HID1: variants seen among roughly 807,000 people sequenced by gnomAD.
HID1 encodes protein HID1.
Under a neutral mutation model 89.7 loss-of-function variants are expected in HID1, and 42 were observed. The observed-to-expected ratio is 0.47, with a 90% CI of 0.37 to 0.61. The LOEUF (loss-of-function observed/expected upper bound fraction) is 0.61, where lower values mean the gene tolerates loss of function less well. Ranked by LOEUF, HID1 falls within the 20% of genes least tolerant of loss-of-function variation. The pLI is 0.00. For missense variants in HID1, 854 were observed against 1,039.3 expected (o/e 0.82, Z 2.45); for synonymous variants, 442 against 433.8 (o/e 1.02, Z -0.24).
At position 74,962,181 on chromosome 17, in the gene HID1, G is replaced by A. The variant is rs1038055277; in HGVS notation, c.611+53C>T. 4.1e-6 allele frequency: 6 copies of A among 1,458,876 alleles called. No individual in the cohort carries two copies. The highest frequency in any genetic ancestry group is 1.8e-5 in the Admixed American group (1 of 56,332). 90.4% of individuals were successfully genotyped at this position (1,458,876 alleles called of 1,614,324 possible). A position where few individuals can be genotyped will look rare whatever the true frequency, so the allele number is the denominator to read the frequency against. ...CATGGGCTTTCTGAGCTGTGCGGGG[G>A]CCCGGCCCGGGGTCCAGCTGCATTG... On this transcript the variant is annotated intron_variant, in intron 5 of 18. Transcript: ENST00000425042. The surrounding 1 kb of genome is among the most constrained non-coding windows in gnomAD (Gnocchi z 4.3).
In HID1 at chr17:74,959,145, C is replaced by G; in HGVS notation, c.1009-94G>C. ...CCCCCAACAAATCCCCCCCTCCATC[C>G]CCCAGAGCCAGATCCCACCTCCAGA... is the stretch of plus-strand genomic sequence containing the variant. On this transcript the variant is annotated intron_variant, in intron 8 of 18. Coordinates refer to ENST00000425042, the MANE Select transcript of HID1 (RefSeq NM_030630.3). This position sits in a 1 kb window ranked among gnomAD's most constrained non-coding sequence, Gnocchi z 4.6. 7.2e-7 allele frequency: 1 copy of G among 1,383,454 alleles called. No homozygotes were observed. Among genetic ancestry groups the G allele is most frequent in the Non-Finnish European group, 9.5e-7 (1 of 1,048,260 alleles). The allele number at this position is 1,383,454 out of a possible 1,614,324, so 85.7% of individuals were successfully genotyped here. A position where few individuals can be genotyped will look rare whatever the true frequency, so the allele number is the denominator to read the frequency against.
intron 1 of HID1, among the ~76,000 whole-genome samples, chr17:74,969,401 C>T (rs370496780): frequency 2.2e-4 from 34 of 151,924 alleles, no homozygotes; most frequent in Admixed American, 2.0e-3. Flanking sequence ...TTAGCCGGGA[C>T]GGTCTCGATC....
chr17:74,954,462 GGA>G (rs1193869280), intron 13 of HID1, 97 bp from the exon 14 acceptor site: 27 of 1,535,784 alleles, frequency 1.8e-5, no homozygotes. Context: ...TTGGAGGACA[GGA>G]GGGTGTCTGC....
At position 74,958,570 on chromosome 17, in the gene HID1, G is replaced by A. The variant is rs889608113; in HGVS notation, c.1241-92C>T. ...ATTTTGGAGGCCTCCCTCCTAGGAG[G>A]TCAGAGTGCCAGGCCTGAGCTCCTG... is the stretch of plus-strand genomic sequence containing the variant. On this transcript the variant is annotated intron_variant, in intron 10 of 18. Coordinates refer to ENST00000425042, the MANE Select transcript of HID1 (RefSeq NM_030630.3). This position sits in a 1 kb window ranked among gnomAD's most constrained non-coding sequence, Gnocchi z 5.2. 4.3e-5 allele frequency: 68 copies of A among 1,583,654 alleles called. No individual in the cohort carries two copies. The Middle Eastern group carries it at 2.7e-3, about 63-fold the overall frequency.
chr17:74,954,223 G>A lies in HID1; in HGVS notation c.1779C>T (p.Ser593=). 1.3e-6 allele frequency: 2 copies of A among 1,596,710 alleles called. No individual in the cohort carries two copies. The highest frequency in any genetic ancestry group is 1.7e-6 in the Non-Finnish European group (2 of 1,173,032). Residue 593 remains serine (S), a synonymous_variant, in exon 14 of 19, where the codon TCC becomes TCT. Coordinates refer to ENST00000425042, the MANE Select transcript of HID1 (RefSeq NM_030630.3). Reference sequence around the variant, plus strand: ...AGCCCTCCATGGAGGTGCCCTCCTGGGAGCCGGTGCGAGACAAGGGCTCAG... The same window carrying A: ...AGCCCTCCATGGAGGTGCCCTCCTGAGAGCCGGTGCGAGACAAGGGCTCAG... ...RTPEPLSRTG[S]QEGTSMEGSR...
At chr17:74,965,548 T>C (rs1257317835) in intron 1 of HID1, among the ~76,000 whole-genome samples, 1 of 152,174 alleles carries the variant, frequency 6.6e-6, no homozygotes, top group East Asian at 1.9e-4. Context: ...CCCAAGCTGT[T>C]CTCTCTTCCC....
In HID1 at chr17:74,958,366, G is replaced by A; in HGVS notation, c.1353C>T (p.Ile451=). The change falls in exon 11 of 19, where the codon ATC becomes ATT. Residue 451 remains isoleucine (I), a synonymous_variant. Transcript: ENST00000425042. This position sits in a 1 kb window ranked among gnomAD's most constrained non-coding sequence, Gnocchi z 5.2. ...KPYSIRVPMD[I]PVFTGTHADL... is the part of the protein sequence containing the mutation. ...CGGCGTGGGTCCCTGTGAAGACTGG[G>A]ATGTCCATGGGCACGCGGATTGAGT... is the stretch of plus-strand genomic sequence containing the variant. 1 of 1,613,230 alleles carries A rather than the reference G, an allele frequency of 6.2e-7. No individual in the cohort carries two copies. Among genetic ancestry groups the A allele is most frequent in the Non-Finnish European group, 8.5e-7 (1 of 1,179,714 alleles).
Position 74,954,346 on chromosome 17 carries a change from G to A in HID1, c.1656C>T (p.Tyr552=), listed in dbSNP as rs28504137. The A allele has an allele frequency of 7.5e-3, 11,729 of 1,571,014 alleles. 758 individuals carry two copies. The African/African-American group carries it at 0.14, about 19-fold the overall frequency. ...YQFDGNSNLV[Y]AIIRKRSIFH... is the part of the protein sequence containing the mutation. ...AGATGCTGCGCTTGCGGATGATGGC[G>A]TAGACCAGGTTGGAGTTGCCTGTGG... is the stretch of plus-strand genomic sequence containing the variant. Residue 552 remains tyrosine (Y), a synonymous_variant, in exon 14 of 19, where the codon TAC becomes TAT. Coordinates refer to ENST00000425042, the MANE Select transcript of HID1 (RefSeq NM_030630.3).
rs367709751 is a variant in HID1 at position 74,959,691 on chromosome 17, C to T, written c.1008+190G>A. On this transcript the variant is annotated intron_variant, in intron 8 of 18. Transcript: ENST00000425042. This position sits in a 1 kb window ranked among gnomAD's most constrained non-coding sequence, Gnocchi z 4.6. ...CTCCTCCTAGAGGCCTTCCCAGTTA[C>T]CTCTACCCAGGTGAGGCCATCAGCC... Among the ~76,000 whole-genome samples, 3 of 152,216 alleles carry T rather than the reference C, an allele frequency of 2.0e-5. No individual in the cohort carries two copies. Among genetic ancestry groups the T allele is most frequent in the African/African-American group, 7.2e-5 (3 of 41,446 alleles).
Position 74,958,864 on chromosome 17 carries a change from G to A in HID1, c.1149+47C>T. The A allele has an allele frequency of 6.3e-7, 1 of 1,582,610 alleles. No individual in the cohort carries two copies. The highest frequency in any genetic ancestry group is 8.6e-7 in the Non-Finnish European group (1 of 1,164,504). On this transcript the variant is annotated intron_variant, in intron 9 of 18. Coordinates refer to ENST00000425042, the MANE Select transcript of HID1 (RefSeq NM_030630.3). This position sits in a 1 kb window ranked among gnomAD's most constrained non-coding sequence, Gnocchi z 5.2. ...ACTGTCCCTGCCCCCGGGTTATTGG[G>A]GCAGCTGCTCTCCATCTCCCTGCAG...
In HID1 at chr17:74,959,997, AGCT is replaced by A. The variant is rs780391164; in HGVS notation, c.951+26_951+28del. 4 of 1,613,268 alleles carry A rather than the reference AGCT, an allele frequency of 2.5e-6. No individual in the cohort carries two copies. The African/African-American group carries it at 5.3e-5, about 22-fold the overall frequency. ...CCTCCCCACAACCCGTGGCCCCGGC[AGCT>A]GTCCCTTCCATGCTCCCATCCTTAC... On this transcript the variant is annotated intron_variant, in intron 7 of 18. Coordinates refer to ENST00000425042, the MANE Select transcript of HID1 (RefSeq NM_030630.3). This position sits in a 1 kb window ranked among gnomAD's most constrained non-coding sequence, Gnocchi z 4.6.
chr17:74,957,068 C>A (rs914279820), intron 12 of HID1, among the ~76,000 whole-genome samples: 1 of 152,200 alleles, frequency 6.6e-6, no homozygotes, highest in Non-Finnish European at 1.5e-5. Flanking sequence ...CAGTGGCTCA[C>A]GCCTGTATAA....
chr17:74,966,303 A>G (rs2144825601), intron 1 of HID1, among the ~76,000 whole-genome samples: 1 of 151,176 alleles, frequency 6.6e-6, no homozygotes, highest in Admixed American at 6.6e-5. Flanking sequence ...AAAAAAAAAA[A>G]AAAGACTAGA....
intron 13 of HID1, chr17:74,954,663 G>A (rs1327400367): frequency 2.1e-6 from 1 of 473,090 alleles, no homozygotes; most frequent in Non-Finnish European, 3.8e-6. Flanking sequence ...AAAAAGTACA[G>A]GCCCCAGCAT....
intron 18 of HID1, 69 bp downstream of exon 18, chr17:74,951,836 G>A (rs1052113705): frequency 6.9e-7 from 1 of 1,452,218 alleles, no homozygotes; most frequent in African/African-American, 1.4e-5. Flanking sequence ...GGGGCCCAGA[G>A]CTGAGGTCCC....
Position 74,956,554 on chromosome 17 carries a change from G to A in HID1, c.1472-598C>T, listed in dbSNP as rs535021341. On this transcript the variant is annotated intron_variant, in intron 12 of 18. Coordinates refer to ENST00000425042, the MANE Select transcript of HID1 (RefSeq NM_030630.3). ...CTGTCTTGGTCACAAGTGTGTTCTC[G>A]GAACCAGCTCAGTTAAGATTTGTGA... Among the ~76,000 whole-genome samples the A allele has an allele frequency of 1.3e-4, 20 of 152,218 alleles. No individual in the cohort carries two copies. The East Asian group carries it at 1.5e-3, about 12-fold the overall frequency.
rs2039439622 is a variant in HID1, at chr17:74,959,047, A to T, written c.1013T>A (p.Phe338Tyr). The change falls in exon 9 of 19, where the codon TTC becomes TAC. Residue 338 changes from phenylalanine to tyrosine, a missense_variant. Physicochemically the swap from Phe to Tyr is conservative, Grantham distance 22. Transcript: ENST00000425042. The surrounding 1 kb of genome is among the most constrained non-coding windows in gnomAD (Gnocchi z 4.6). Reference sequence around the variant, plus strand: ...GGCTATACCCTTGAGGATGAACTGGAAGTCCTGGGGGCGAGGGCAGAGCAG... The same window carrying T: ...GGCTATACCCTTGAGGATGAACTGGTAGTCCTGGGGGCGAGGGCAGAGCAG... ...YLSRIHREED[F>Y]QFILKGIARL... 1 of 1,564,896 alleles carries T rather than the reference A, an allele frequency of 6.4e-7. No individual in the cohort carries two copies. Among genetic ancestry groups the T allele is most frequent in the Non-Finnish European group, 8.6e-7 (1 of 1,161,306 alleles).
In HID1 at chr17:74,959,789, G is replaced by T; in HGVS notation, c.1008+92C>A. On this transcript the variant is annotated intron_variant, in intron 8 of 18. Transcript: ENST00000425042. This position sits in a 1 kb window ranked among gnomAD's most constrained non-coding sequence, Gnocchi z 4.6. ...GGTGGCCCCAGCCCACAGAGAGCATGGTTCCTTCATGGAGGGGTCAGGATC... is the reference window on the plus strand; with the variant it reads ...GGTGGCCCCAGCCCACAGAGAGCATTGTTCCTTCATGGAGGGGTCAGGATC... The T allele has an allele frequency of 7.4e-7, 1 of 1,351,366 alleles. No homozygotes were observed. The highest frequency in any genetic ancestry group is 1.2e-5 in the South Asian group (1 of 82,918). The allele number at this position is 1,351,366 out of a possible 1,614,324, so 83.7% of individuals were successfully genotyped here.
chr17:74,954,556 CT>C (rs2039360086), intron 13 of HID1, 191 bp from the exon 14 acceptor site: 3 of 976,838 alleles, frequency 3.1e-6, no homozygotes, highest in Non-Finnish European at 3.0e-6. Flanking sequence ...CCCACTATGG[CT>C]ATCCCAGAAT....
Sources: gnomAD v4.1 joint callset for allele counts (sites outside exome capture counted in the v4.1 genomes callset) on GRCh38, gnomAD v4.1.1 for gene constraint, Gnocchi (gnomAD v3.1) non-coding constraint, MANE v1.5 for transcripts, NCBI Gene and HGNC (gene_info 2026-07-23, HGNC 2026-07-21) for gene names.